STEAP4: variants seen among roughly 807,000 people sequenced by gnomAD.
The protein encoded by STEAP4 is metalloreductase STEAP4.
Under a neutral mutation model 43.6 loss-of-function variants are expected in STEAP4, and 36 were observed. The ratio of observed to expected loss-of-function variants is 0.83; its 90% confidence interval spans 0.63 to 1.09. STEAP4 has a LOEUF of 1.09. Ranked by LOEUF, STEAP4 falls within the 50% of genes least tolerant of loss-of-function variation. The probability of loss-of-function intolerance (pLI) is 0.00; values close to 1 mark genes in which losing one functional copy is unlikely to be tolerated. For synonymous variants in STEAP4, 191 were observed against 196.7 expected, an observed-to-expected ratio of 0.97 and a Z score of 0.24; for missense variants, 495 against 546.5, an observed-to-expected ratio of 0.91 and a Z score of 0.94.
At chr7:88,291,572 A>G (rs1852834894) in intron 1 of STEAP4, among the ~76,000 whole-genome samples, 2 of 152,082 alleles carry the variant, frequency 1.3e-5, no homozygotes, top group African/African-American at 2.4e-5. Context: ...TGCATTTTGC[A>G]TTAGGTACTA....
At chr7:88,293,144 A>AT (rs1194259407) in intron 1 of STEAP4, among the ~76,000 whole-genome samples, 1 of 152,060 alleles carries the variant, frequency 6.6e-6, no homozygotes, top group Non-Finnish European at 1.5e-5. Context: ...ATGAGTCATG[A>AT]TTTTTTATTT....
At chr7:88,299,986 C>T (rs1287095351) in intron 1 of STEAP4, among the ~76,000 whole-genome samples, 1 of 152,158 alleles carries the variant, frequency 6.6e-6, no homozygotes, top group Non-Finnish European at 1.5e-5. Context: ...GGCAAGGACT[C>T]CCCATGGCCC....
intron 4 of STEAP4, 55 bp downstream of exon 4, chr7:88,280,860 G>A (rs1852605577): frequency 6.3e-6 from 9 of 1,438,748 alleles, no homozygotes; most frequent in Non-Finnish European, 7.4e-6. Flanking sequence ...AAATATGATT[G>A]CTAGGGAAGT....
chr7:88,292,485 A>T (rs114090006), intron 1 of STEAP4: 32 of 152,324 alleles, frequency 2.1e-4, no homozygotes, highest in African/African-American at 7.5e-4. Context: ...ATAATTATAG[A>T]TTCCAAGGAA....
chr7:88,306,090 A>G (rs911123995), intron 1 of STEAP4, among the ~76,000 whole-genome samples: 2 of 152,190 alleles, frequency 1.3e-5, no homozygotes, highest in African/African-American at 4.8e-5. Flanking sequence ...GCTGGTCTCG[A>G]ACTCCTGACC....
chr7:88,297,198 G>A (rs1852937787), intron 1 of STEAP4, among the ~76,000 whole-genome samples: 1 of 152,160 alleles, frequency 6.6e-6, no homozygotes, highest in South Asian at 2.1e-4. Context: ...GAAGAATACA[G>A]ATCTCATATA....
intron 4 of STEAP4, 111 bp downstream of exon 4, chr7:88,280,804 T>G: frequency 9.0e-7 from 1 of 1,112,738 alleles, no homozygotes; most frequent in Non-Finnish European, 1.3e-6. Context: ...TCATTATGGA[T>G]TCTGCCTTTT....
Position 88,277,569 on chromosome 7 carries a change from G to GA in STEAP4, c.*1828dup, listed in dbSNP as rs1379327004. 5 of 152,200 alleles carry GA rather than the reference G, an allele frequency of 3.3e-5. No homozygotes were observed. The highest frequency in any genetic ancestry group is 2.6e-4 in the Admixed American group (4 of 15,276). 9.4% of individuals were successfully genotyped at this position (152,200 alleles called of 1,614,324 possible). On this transcript the variant is annotated 3_prime_UTR_variant, in exon 5 of 5. Transcript: ENST00000380079. The stretch of plus-strand genomic sequence containing the variant: ...TGATGTGATATTATGCAGCCATTAA[G>GA]AAAATATATTACGTAAGGCCAGATT...
At chr7:88,284,397 C>T (rs1464962099) in intron 1 of STEAP4, 126 bp from the exon 2 acceptor site, 2 of 737,904 alleles carry the variant, frequency 2.7e-6, no homozygotes, top group African/African-American at 1.8e-5. Flanking sequence ...ACTATATTTA[C>T]CCCCAAATTT....
At chr7:88,291,380 G>A (rs949853012) in intron 1 of STEAP4, among the ~76,000 whole-genome samples, 1 of 151,726 alleles carries the variant, frequency 6.6e-6, no homozygotes, top group Non-Finnish European at 1.5e-5. Context: ...CCAGCTATTG[G>A]AGAGGCTGAA....
intron 1 of STEAP4, among the ~76,000 whole-genome samples, chr7:88,287,329 G>A (rs1381691114): frequency 6.6e-6 from 1 of 152,152 alleles, no homozygotes; most frequent in African/African-American, 2.4e-5. Flanking sequence ...ATCACCAGAG[G>A]TGGGCTACAG....
chr7:88,301,874 C>T (rs941620687), intron 1 of STEAP4, among the ~76,000 whole-genome samples: 10 of 152,212 alleles, frequency 6.6e-5, no homozygotes, highest in African/African-American at 2.4e-4. Context: ...CCGTGTTTGG[C>T]CCCATATCAC....
Position 88,300,580 on chromosome 7 carries a change from T to C in STEAP4, c.-3+6212A>G, listed in dbSNP as rs114884172. Among the ~76,000 whole-genome samples the C allele has an allele frequency of 3.0e-3, 457 of 152,268 alleles. 3 individuals are homozygous for C. The highest frequency in any genetic ancestry group is 0.011 in the African/African-American group (443 of 41,560). ...GTTTTTAATCTCAGCCTTTCAGTGG[T>C]GTGGCTGTGGCCAGCTTGCCAGCTG... On this transcript the variant is annotated intron_variant, in intron 1 of 4. Coordinates refer to ENST00000380079, the MANE Select transcript of STEAP4 (RefSeq NM_024636.4).
intron 1 of STEAP4, chr7:88,298,502 C>T (rs6943587): frequency 0.022 from 3,311 of 151,576 alleles, 45 homozygotes; most frequent in Middle Eastern, 0.048. Context: ...CACACACACA[C>T]ACACACACCT....
chr7:88,288,517 C>A (rs1473294422), intron 1 of STEAP4, among the ~76,000 whole-genome samples: 1 of 152,074 alleles, frequency 6.6e-6, no homozygotes, highest in Non-Finnish European at 1.5e-5. Flanking sequence ...CTAGAAGAAA[C>A]CATGGAACAT....
chr7:88,287,154 C>T (rs910447241), intron 1 of STEAP4, among the ~76,000 whole-genome samples: 2 of 152,180 alleles, frequency 1.3e-5, no homozygotes, highest in African/African-American at 4.8e-5. Flanking sequence ...CAGCTACAGA[C>T]ACCCAGTGAT....
At position 88,272,499 on chromosome 7, in the gene STEAP4, G is replaced by C. The variant is rs1852451022; in HGVS notation, c.*6899C>G. Reference sequence around the variant, plus strand: ...TTTTAGAAGTGCCAAGCCAAGCCAGGTTGTTAGGCCTACGTTTGAGCACTG... The same window carrying C: ...TTTTAGAAGTGCCAAGCCAAGCCAGCTTGTTAGGCCTACGTTTGAGCACTG... On this transcript the variant is annotated 3_prime_UTR_variant, in exon 5 of 5. Coordinates refer to ENST00000380079, the MANE Select transcript of STEAP4 (RefSeq NM_024636.4). 6.6e-6 allele frequency: 1 copy of C among 152,192 alleles called. No individual in the cohort carries two copies. Among genetic ancestry groups the C allele is most frequent in the Non-Finnish European group, 1.5e-5 (1 of 68,046 alleles). The allele number at this position is 152,192 out of a possible 1,614,324, so 9.4% of individuals were successfully genotyped here.
intron 1 of STEAP4, chr7:88,290,491 G>C (rs899497218): frequency 6.6e-6 from 1 of 152,104 alleles, no homozygotes; most frequent in Non-Finnish European, 1.5e-5. Flanking sequence ...AAGAACACCT[G>C]GTGACCATCA....
rs567470779 is a variant in STEAP4, at chr7:88,285,517, G to A, written c.-2-1246C>T. Among the ~76,000 whole-genome samples the A allele has an allele frequency of 5.3e-5, 8 of 151,976 alleles. No individual in the cohort carries two copies. The East Asian group carries it at 1.6e-3, about 29-fold the overall frequency. ...AATTAAATAATGTGGTACTATCAAA[G>A]AAATGGATAAAGTTCTGGCCAGGCA... On this transcript the variant is annotated intron_variant, in intron 1 of 4. Transcript: ENST00000380079.
Sources: gnomAD v4.1 joint callset for allele counts (sites outside exome capture counted in the v4.1 genomes callset) on GRCh38, gnomAD v4.1.1 for gene constraint, MANE v1.5 for transcripts, NCBI Gene and HGNC (gene_info 2026-07-23, HGNC 2026-07-21) for gene names.